Variants in MARCHF3 observed in about 807,000 individuals in gnomAD.
MARCHF3 encodes E3 ubiquitin-protein ligase MARCHF3.
MARCHF3 carries 13 observed loss-of-function variants against 24.2 expected under a neutral mutation model. The ratio of observed to expected loss-of-function variants is 0.54; its 90% CI spans 0.35 to 0.85. MARCHF3 has a LOEUF of 0.85. Among genes scored for constraint, MARCHF3 ranks in the 40% least tolerant of loss-of-function variants. MARCHF3 has a pLI of 0.01. For synonymous variants in MARCHF3, 144 were observed against 137.3 expected, an observed-to-expected ratio of 1.05 and a Z score of -0.34; for missense variants, 276 against 325.0, an observed-to-expected ratio of 0.85 and a Z score of 1.16.
At chr5:127,012,599 G>A (rs1020989258) in intron 1 of MARCHF3, among the ~76,000 whole-genome samples, 1 of 152,136 alleles carries the variant, frequency 6.6e-6, no homozygotes, top group Non-Finnish European at 1.5e-5. Flanking sequence ...GAACAGAAGT[G>A]CACAAAAAGA....
chr5:126,913,696 A>G (rs527286360), intron 3 of MARCHF3, among the ~76,000 whole-genome samples: 5 of 152,360 alleles, frequency 3.3e-5, no homozygotes, highest in Non-Finnish European at 5.9e-5. Flanking sequence ...CCCCGGTTAT[A>G]GGTCTTGATT....
chr5:127,013,519 A>G (rs951315900), intron 1 of MARCHF3, among the ~76,000 whole-genome samples: 5 of 152,088 alleles, frequency 3.3e-5, no homozygotes, highest in South Asian at 2.1e-4. Flanking sequence ...AGTTCTCACA[A>G]TTATACACCC....
At chr5:126,942,556 A>C (rs1425754083) in intron 1 of MARCHF3, among the ~76,000 whole-genome samples, 2 of 152,238 alleles carry the variant, frequency 1.3e-5, no homozygotes, top group African/African-American at 4.8e-5. Flanking sequence ...ACATATAAAT[A>C]AAATACAGAG....
intron 1 of MARCHF3, among the ~76,000 whole-genome samples, chr5:127,020,969 A>G (rs576401992): frequency 2.0e-5 from 3 of 152,334 alleles, no homozygotes; most frequent in East Asian, 3.9e-4. Flanking sequence ...TCTGTGGGGA[A>G]GAAGGCCCTC....
At chr5:126,928,477 C>G (rs1031919805) in intron 1 of MARCHF3, among the ~76,000 whole-genome samples, 10 of 152,040 alleles carry the variant, frequency 6.6e-5, no homozygotes, top group Non-Finnish European at 1.3e-4. Context: ...AGGAGATTGT[C>G]AAAAAAATTT....
At chr5:126,980,375 CTT>C (rs113887843) in intron 1 of MARCHF3, among the ~76,000 whole-genome samples, 15 of 142,726 alleles carry the variant, frequency 1.1e-4, no homozygotes, top group Non-Finnish European at 1.5e-4. Context: ...TGATTCATTC[CTT>C]TTTTTTTTTT....
intron 3 of MARCHF3, among the ~76,000 whole-genome samples, chr5:126,898,098 T>C (rs959622347): frequency 6.6e-6 from 1 of 152,020 alleles, no homozygotes; most frequent in East Asian, 1.9e-4. Flanking sequence ...AGGTTTCTTT[T>C]TGGGTGATGA....
At chr5:126,873,593 C>T (rs1277251153) in intron 4 of MARCHF3, among the ~76,000 whole-genome samples, 2 of 152,036 alleles carry the variant, frequency 1.3e-5, no homozygotes, top group South Asian at 2.1e-4. Context: ...CCAGGTGATC[C>T]GCATGTGCAT....
intron 1 of MARCHF3, among the ~76,000 whole-genome samples, chr5:127,017,427 C>G (rs1207720675): frequency 1.3e-5 from 2 of 152,086 alleles, no homozygotes; most frequent in African/African-American, 4.8e-5. Flanking sequence ...TCTCAACTTA[C>G]AAGGGGTTTA....
chr5:126,912,842 A>G (rs1195728763), intron 3 of MARCHF3, among the ~76,000 whole-genome samples: 1 of 152,234 alleles, frequency 6.6e-6, no homozygotes. Flanking sequence ...TTTGCCTTTC[A>G]CTTTCAACTT....
At chr5:126,935,023 T>A (rs1580659173) in intron 1 of MARCHF3, among the ~76,000 whole-genome samples, 1 of 152,320 alleles carries the variant, frequency 6.6e-6, no homozygotes, top group East Asian at 1.9e-4. Flanking sequence ...GAAATATTAT[T>A]AGGTGATTGA....
chr5:127,023,258 G>A (rs1192234890), intron 1 of MARCHF3, among the ~76,000 whole-genome samples: 1 of 152,108 alleles, frequency 6.6e-6, no homozygotes, highest in Non-Finnish European at 1.5e-5. Flanking sequence ...AGGAATCCAT[G>A]TACATATAAA....
intron 1 of MARCHF3, among the ~76,000 whole-genome samples, chr5:126,942,229 T>C (rs1302671052): frequency 3.3e-5 from 5 of 152,238 alleles, no homozygotes; most frequent in Non-Finnish European, 7.3e-5. Flanking sequence ...TATTAGTTAT[T>C]CTAGGTCAGG....
chr5:126,961,431 C>T (rs902064585), intron 1 of MARCHF3, among the ~76,000 whole-genome samples: 3 of 152,060 alleles, frequency 2.0e-5, no homozygotes, highest in African/African-American at 7.2e-5. Context: ...CAGAAGCAAC[C>T]ACCATAAGGC....
At chr5:126,947,570 T>C (rs1750073287) in intron 1 of MARCHF3, among the ~76,000 whole-genome samples, 1 of 152,126 alleles carries the variant, frequency 6.6e-6, no homozygotes, top group Non-Finnish European at 1.5e-5. Flanking sequence ...GGTTCATGAA[T>C]TGCAACAGAT....
intron 3 of MARCHF3, among the ~76,000 whole-genome samples, chr5:126,894,427 G>A (rs1212292947): frequency 2.9e-4 from 44 of 151,274 alleles, no homozygotes; most frequent in East Asian, 1.6e-3. Context: ...GGCTGGTACC[G>A]GTTGTTCCTT....
chr5:126,998,187 G>A (rs1351535474), intron 1 of MARCHF3, among the ~76,000 whole-genome samples: 1 of 152,208 alleles, frequency 6.6e-6, no homozygotes, highest in Non-Finnish European at 1.5e-5. Flanking sequence ...ACAAGGGGAA[G>A]AGAGGATTAT....
chr5:127,023,600 TGCATGCGTGTAATCCCA>T (rs1462121035), intron 1 of MARCHF3, among the ~76,000 whole-genome samples: 10 of 151,550 alleles, frequency 6.6e-5, no homozygotes, highest in Non-Finnish European at 1.3e-4. Flanking sequence ...GGTGTGGTGG[TGCATGCGTGTAATCCCA>T]GCTACTCGGA....
At chr5:126,998,625 GA>G (rs1167383897) in intron 1 of MARCHF3, among the ~76,000 whole-genome samples, 1 of 152,168 alleles carries the variant, frequency 6.6e-6, no homozygotes, top group African/African-American at 2.4e-5. Flanking sequence ...TGGGGTAAGG[GA>G]AGGTCAGGAG....
Sources: gnomAD v4.1 joint callset for allele counts (sites outside exome capture counted in the v4.1 genomes callset) on GRCh38, gnomAD v4.1.1 for gene constraint, MANE v1.5 for transcripts, NCBI Gene and HGNC (gene_info 2026-07-23, HGNC 2026-07-21) for gene names.